The following CDH18 variants were observed in gnomAD, a reference collection of about 807,000 sequenced individuals.
The protein encoded by CDH18 is cadherin-18.
In CDH18, 31 loss-of-function variants were observed where a neutral mutation model predicts 67.9. That is an observed-to-expected ratio of 0.46 (90% confidence interval 0.34 to 0.62). The LOEUF is 0.62. Among genes scored for constraint, CDH18 ranks in the 20% least tolerant of loss-of-function variants. The pLI is 0.01. For synonymous variants in CDH18, 362 were observed against 347.2 expected (o/e 1.04, Z -0.48); for missense variants, 890 against 975.5 (o/e 0.91, Z 1.17).
At chr5:20,254,559 C>T (rs1422435943) in intron 2 of CDH18, among the ~76,000 whole-genome samples, 2 of 152,110 alleles carry the variant, frequency 1.3e-5, no homozygotes, top group Non-Finnish European at 2.9e-5. Context: ...TACAAGAGGT[C>T]CTTAAGGGAG....
chr5:20,475,878 G>T (rs1323860647), intron 1 of CDH18, among the ~76,000 whole-genome samples: 1 of 152,158 alleles, frequency 6.6e-6, no homozygotes, highest in Non-Finnish European at 1.5e-5. Flanking sequence ...AAATGGAAAG[G>T]TTTGGATTGC....
intron 1 of CDH18, among the ~76,000 whole-genome samples, chr5:20,390,465 G>T (rs529658107): frequency 9.4e-4 from 143 of 152,124 alleles, no homozygotes; most frequent in African/African-American, 3.2e-3. Flanking sequence ...TTAGAATGGC[G>T]ATCATTAAAA....
chr5:20,021,827 T>G (rs780543697), intron 2 of CDH18, among the ~76,000 whole-genome samples: 7 of 152,194 alleles, frequency 4.6e-5, no homozygotes, highest in Non-Finnish European at 5.9e-5. Flanking sequence ...GTAATCTCTA[T>G]AAACATTCTA....
intron 3 of CDH18, among the ~76,000 whole-genome samples, chr5:19,807,538 G>A (rs893650276): frequency 3.9e-5 from 6 of 152,074 alleles, no homozygotes; most frequent in African/African-American, 1.4e-4. Context: ...AGGCTCTACT[G>A]AGAAGTGTAG....
intron 5 of CDH18, among the ~76,000 whole-genome samples, chr5:19,635,527 T>A (rs1455379487): frequency 6.6e-6 from 1 of 152,136 alleles, no homozygotes; most frequent in Non-Finnish European, 1.5e-5. Flanking sequence ...AAAGTCATCT[T>A]TGGTAGTTGC....
chr5:20,241,196 TA>T (rs1742867553), intron 2 of CDH18, among the ~76,000 whole-genome samples: 1 of 152,182 alleles, frequency 6.6e-6, no homozygotes, highest in African/African-American at 2.4e-5. Context: ...TAACTTCTTG[TA>T]AAAGTGTCAA....
chr5:19,528,706 A>C (rs761605566), intron 9 of CDH18, among the ~76,000 whole-genome samples: 14 of 151,898 alleles, frequency 9.2e-5, no homozygotes, highest in Non-Finnish European at 1.9e-4. Flanking sequence ...ATTCTAAGTG[A>C]GGGAAGAACT....
intron 2 of CDH18, among the ~76,000 whole-genome samples, chr5:19,897,775 C>T (rs560769552): frequency 5.9e-5 from 9 of 151,788 alleles, no homozygotes; most frequent in Admixed American, 4.6e-4. Context: ...ATGAATGGTG[C>T]TAAATGAAAG....
chr5:20,103,421 AG>A (rs1386727412), intron 2 of CDH18, among the ~76,000 whole-genome samples: 4 of 152,098 alleles, frequency 2.6e-5, no homozygotes. Flanking sequence ...TACCACTTTT[AG>A]GTGAGATATA....
intron 1 of CDH18, among the ~76,000 whole-genome samples, chr5:20,302,509 A>G (rs1046355610): frequency 1.3e-5 from 2 of 152,150 alleles, no homozygotes; most frequent in African/African-American, 4.8e-5. Flanking sequence ...ATCCAAAGCC[A>G]CACACTAGGC....
chr5:20,083,254 T>A (rs1744641919), intron 2 of CDH18, among the ~76,000 whole-genome samples: 1 of 152,176 alleles, frequency 6.6e-6, no homozygotes, highest in South Asian at 2.1e-4. Flanking sequence ...TGAAAAGGAA[T>A]AATTAATATG....
At chr5:19,805,360 G>A (rs1410802174) in intron 3 of CDH18, among the ~76,000 whole-genome samples, 2 of 151,814 alleles carry the variant, frequency 1.3e-5, no homozygotes, top group African/African-American at 2.4e-5. Context: ...TTGATTCTAC[G>A]CCCTCTGCAG....
intron 9 of CDH18, among the ~76,000 whole-genome samples, chr5:19,543,211 AT>A (rs1198779241): frequency 6.6e-6 from 1 of 152,108 alleles, no homozygotes; most frequent in Non-Finnish European, 1.5e-5. Context: ...TTCTAATTTC[AT>A]TTAACACAGT....
At chr5:19,987,095 T>A (rs1799639489) in intron 1 of CDH18, among the ~76,000 whole-genome samples, 1 of 152,176 alleles carries the variant, frequency 6.6e-6, no homozygotes. Flanking sequence ...TTTTCTTGAC[T>A]TCCAACAGGA....
intron 1 of CDH18, among the ~76,000 whole-genome samples, chr5:20,472,449 A>T (rs941679030): frequency 9.2e-5 from 14 of 152,324 alleles, no homozygotes; most frequent in Non-Finnish European, 1.8e-4. Flanking sequence ...CTTGTGCCTG[A>T]TGTACATAGT....
intron 2 of CDH18, among the ~76,000 whole-genome samples, chr5:19,843,888 G>A (rs114076751): frequency 6.6e-6 from 1 of 152,296 alleles, no homozygotes; most frequent in Non-Finnish European, 1.5e-5. Flanking sequence ...GACCTGCATG[G>A]GGCCTGTAGC....
chr5:20,305,549 G>T (rs1382971665), intron 1 of CDH18: 2 of 742,928 alleles, frequency 2.7e-6, no homozygotes, highest in East Asian at 5.3e-5. Context: ...GCTGGTGGTC[G>T]CGGGGCTGAG....
At chr5:19,547,123 C>A (rs1190587205) in intron 8 of CDH18, among the ~76,000 whole-genome samples, 1 of 151,982 alleles carries the variant, frequency 6.6e-6, no homozygotes. Flanking sequence ...AGAAAAAAAA[C>A]AAAACCCTTC....
chr5:19,980,836 T>C (rs1013784444), intron 2 of CDH18, among the ~76,000 whole-genome samples: 19 of 152,190 alleles, frequency 1.2e-4, no homozygotes, highest in African/African-American at 4.6e-4. Flanking sequence ...TCAATATATG[T>C]GCAAAACTCA....
Sources: gnomAD v4.1 joint callset for allele counts (sites outside exome capture counted in the v4.1 genomes callset) on GRCh38, gnomAD v4.1.1 for gene constraint, MANE v1.5 for transcripts, NCBI Gene and HGNC (gene_info 2026-07-23, HGNC 2026-07-21) for gene names.